KCNQ1: variants seen among roughly 807,000 people sequenced by gnomAD.
KCNQ1 encodes potassium voltage-gated channel subfamily Q member 1, also known as potassium voltage-gated channel subfamily KQT member 1.
KCNQ1 carries 49 observed loss-of-function variants against 72.4 expected under a neutral mutation model. The observed-to-expected ratio is 0.68, with a 90% CI of 0.54 to 0.86. The LOEUF (loss-of-function observed/expected upper bound fraction) is 0.86. KCNQ1 is among the 40% of genes least tolerant of loss of function. The pLI, the probability that KCNQ1 is intolerant of heterozygous loss-of-function variation, is 0.00. For synonymous variants in KCNQ1, 450 were observed against 412.6 expected, an observed-to-expected ratio of 1.09 and a Z score of -1.10; for missense variants, 790 against 945.1, an observed-to-expected ratio of 0.84 and a Z score of 2.15.
chr11:2,843,919 A>C (rs1564914591), intron 15 of KCNQ1, among the ~76,000 whole-genome samples: 1 of 152,162 alleles, frequency 6.6e-6, no homozygotes, highest in Non-Finnish European at 1.5e-5. Flanking sequence ...AATTGCAAAT[A>C]ATGGTGGAGG....
At chr11:2,761,238 C>T (rs754048045) in intron 11 of KCNQ1, among the ~76,000 whole-genome samples, 20 of 151,908 alleles carry the variant, frequency 1.3e-4, no homozygotes, top group Non-Finnish European at 2.5e-4. Context: ...AACCCTTCAT[C>T]GTTCCTCCGG....
At chr11:2,622,194 C>T (rs1378955642) in intron 10 of KCNQ1, 1 of 398,274 alleles carries the variant, frequency 2.5e-6, no homozygotes, top group Admixed American at 4.4e-5. Flanking sequence ...TTTCTCACTC[C>T]AATTCTGTCA....
In KCNQ1 at chr11:2,450,360, G is replaced by A. The variant is rs868440815; in HGVS notation, c.386+4876G>A. Reference sequence around the variant, plus strand: ...TGCTGGGAGAGCATGGTGTCGGCCCGGGGAGATGCCGCAGAGAAGCTTCCA... The same window carrying A: ...TGCTGGGAGAGCATGGTGTCGGCCCAGGGAGATGCCGCAGAGAAGCTTCCA... On this transcript the variant is annotated intron_variant, in intron 1 of 15. Coordinates refer to ENST00000155840, the MANE Select transcript of KCNQ1 (RefSeq NM_000218.3). This position sits in a 1 kb window ranked among gnomAD's most constrained non-coding sequence, Gnocchi z 7.9. 5.3e-5 allele frequency among the ~76,000 whole-genome samples: 8 copies of A among 152,154 alleles called. No homozygotes were observed. Among genetic ancestry groups the A allele is most frequent in the Admixed American group, 2.0e-4 (3 of 15,278 alleles).
intron 10 of KCNQ1, chr11:2,622,986 C>T (rs1416524840): frequency 2.5e-6 from 1 of 398,546 alleles, no homozygotes; most frequent in African/African-American, 2.1e-5. Flanking sequence ...CTCTGTGTTC[C>T]CACCCAAATC....
At chr11:2,792,542 G>T (rs1224484463) in intron 15 of KCNQ1, among the ~76,000 whole-genome samples, 1 of 152,242 alleles carries the variant, frequency 6.6e-6, no homozygotes, top group Non-Finnish European at 1.5e-5. Context: ...GAGGTTGCAG[G>T]GTGTGCGGGC....
intron 1 of KCNQ1, among the ~76,000 whole-genome samples, chr11:2,504,546 A>G (rs1182324590): frequency 2.0e-5 from 3 of 152,208 alleles, no homozygotes; most frequent in Admixed American, 2.0e-4. Flanking sequence ...ACTTAAGGCC[A>G]GGAGTTCGAG....
chr11:2,696,852 A>G (rs1850684837), intron 11 of KCNQ1: 1 of 398,480 alleles, frequency 2.5e-6, no homozygotes, highest in Non-Finnish European at 4.4e-6. Context: ...TTTTTTAGTC[A>G]GTTGCTATTG....
chr11:2,778,049 C>T lies in KCNQ1; in HGVS notation c.1794+12C>T, dbSNP rs727505084. The T allele has an allele frequency of 6.8e-6, 11 of 1,612,850 alleles. No homozygotes were observed. The highest frequency in any genetic ancestry group is 2.2e-5 in the East Asian group (1 of 44,882). On this transcript the variant is annotated intron_variant, in intron 15 of 15. Transcript: ENST00000155840. ...GAGTAGAAGACAAGGTAGGCTCACG[C>T]GCCGGCCTGCGGTGGTTCTGGTTAG...
At position 2,711,750 on chromosome 11, in the gene KCNQ1, A is replaced by T. The variant is rs2133918670; in HGVS notation, c.1514+49669A>T. Among the ~76,000 whole-genome samples, 1 of 152,358 alleles carries T rather than the reference A, an allele frequency of 6.6e-6. No homozygotes were observed. Among genetic ancestry groups the T allele is most frequent in the Non-Finnish European group, 1.5e-5 (1 of 68,038 alleles). ...CAGGGAAATAGAACTTTGGCAGCTT[A>T]CAAAGGAGTTTTATTTTTCAAATTT... On this transcript the variant is annotated intron_variant, in intron 11 of 15. Transcript: ENST00000155840. This position sits in a 1 kb window ranked among gnomAD's most constrained non-coding sequence, Gnocchi z 5.4.
rs1850191355 is a variant in KCNQ1, at chr11:2,671,980, A to G, written c.1514+9899A>G. ...AGAGTGGGCTAAAAAGTCAGCTAGC[A>G]CCCCTGACTTCAAGTCCTCGAGTGT... On this transcript the variant is annotated intron_variant, in intron 11 of 15. Transcript: ENST00000155840. The surrounding 1 kb of genome is among the most constrained non-coding windows in gnomAD (Gnocchi z 4.7). The G allele has an allele frequency of 2.5e-6, 1 of 398,076 alleles. No homozygotes were observed. Among genetic ancestry groups the G allele is most frequent in the South Asian group, 1.3e-4 (1 of 7,832 alleles). The allele number at this position is 398,076 out of a possible 1,614,324, so 24.7% of individuals were successfully genotyped here. A position where few individuals can be genotyped will look rare whatever the true frequency, so the allele number is the denominator to read the frequency against.
In KCNQ1 at chr11:2,688,539, C is replaced by G. The variant is rs561574999; in HGVS notation, c.1514+26458C>G. 10 of 398,734 alleles carry G rather than the reference C, an allele frequency of 2.5e-5. No individual in the cohort carries two copies. In the Admixed American group the frequency reaches 3.1e-4, roughly 12 times the overall value. 24.7% of individuals were successfully genotyped at this position (398,734 alleles called of 1,614,324 possible). On this transcript the variant is annotated intron_variant, in intron 11 of 15. Transcript: ENST00000155840. ...AGGTCACACAGCCAGGCCAGTGGCC[C>G]TAGTGTCAAGGTTCCACACCACAGC...
Position 2,848,038 on chromosome 11 carries a change from G to A in KCNQ1, c.*35G>A, listed in dbSNP as rs780217220. On this transcript the variant is annotated 3_prime_UTR_variant, in exon 16 of 16. Transcript: ENST00000155840. ...GGGGCTGGGGGATGGGCCTGAGTGA[G>A]AGGGGAGGCCAAGAGTGGCCCCACC... is the stretch of plus-strand genomic sequence containing the variant. 3 of 1,513,074 alleles carry A rather than the reference G, an allele frequency of 2.0e-6. No homozygotes were observed. In the East Asian group the frequency reaches 7.3e-5, roughly 37 times the overall value. 93.7% of individuals were successfully genotyped at this position (1,513,074 alleles called of 1,614,324 possible). A position where few individuals can be genotyped will look rare whatever the true frequency, so the allele number is the denominator to read the frequency against.
Position 2,646,695 on chromosome 11 carries a change from T to C in KCNQ1, c.1394-15266T>C. 5.0e-6 allele frequency: 2 copies of C among 398,634 alleles called. 1 individual carries two copies. Among genetic ancestry groups the C allele is most frequent in the Non-Finnish European group, 8.8e-6 (2 of 226,096 alleles). 24.7% of individuals were successfully genotyped at this position (398,634 alleles called of 1,614,324 possible). On this transcript the variant is annotated intron_variant, in intron 10 of 15. Transcript: ENST00000155840. ...GCAGGCCACCACGCCCAGCTCATTTTTGTACTGATGAGGTTTTGCCATGTT... is the reference window on the plus strand; with the variant it reads ...GCAGGCCACCACGCCCAGCTCATTTCTGTACTGATGAGGTTTTGCCATGTT...
In KCNQ1 at chr11:2,725,696, C is replaced by T. The variant is rs1453420463; in HGVS notation, c.1515-43148C>T. On this transcript the variant is annotated intron_variant, in intron 11 of 15. Transcript: ENST00000155840. This position sits in a 1 kb window ranked among gnomAD's most constrained non-coding sequence, Gnocchi z 7.2. ...AGGCCCACAGGCTGTGCACTCCAGCCGAGGGCAGCCTGGGGAAGGTACGAG... is the reference window on the plus strand; with the variant it reads ...AGGCCCACAGGCTGTGCACTCCAGCTGAGGGCAGCCTGGGGAAGGTACGAG... Among the ~76,000 whole-genome samples the T allele has an allele frequency of 2.6e-5, 4 of 152,100 alleles. No homozygotes were observed. Among genetic ancestry groups the T allele is most frequent in the Non-Finnish European group, 5.9e-5 (4 of 68,010 alleles).
chr11:2,666,313 A>G (rs889318377), intron 11 of KCNQ1: 1 of 398,054 alleles, frequency 2.5e-6, no homozygotes, highest in East Asian at 3.6e-5. Context: ...AGCTGCAGAG[A>G]CCCCCACCAG....
Position 2,620,224 on chromosome 11 carries a change from ATTTTT to A in KCNQ1, c.1393+31376_1393+31380del. The A allele has an allele frequency of 1.3e-5, 3 of 225,826 alleles. No homozygotes were observed. The highest frequency in any genetic ancestry group is 6.1e-5 in the Admixed American group (1 of 16,442). 14.0% of individuals were successfully genotyped at this position (225,826 alleles called of 1,614,324 possible). On this transcript the variant is annotated intron_variant, in intron 10 of 15. Transcript: ENST00000155840. This position sits in a 1 kb window ranked among gnomAD's most constrained non-coding sequence, Gnocchi z 4.5. ...GTATATATATATATTTTTTTTTTTT[ATTTTT>A]TTTTTAGACGGAGTTTCGCTCTTGT...
In KCNQ1 at chr11:2,523,215, G is replaced by GA. The variant is rs1564805757; in HGVS notation, c.387-4713_387-4712insA. ...TTAATTTAATTTTTTTTTTTTTGTG[G>GA]TGGAGTCTTGCTCTGTCACCCAGGC... On this transcript the variant is annotated intron_variant, in intron 1 of 15. Transcript: ENST00000155840. Among the ~76,000 whole-genome samples, 575 of 150,288 alleles carry GA rather than the reference G, an allele frequency of 3.8e-3. 5 individuals are homozygous for GA. Among genetic ancestry groups the GA allele is most frequent in the African/African-American group, 0.013 (550 of 40,744 alleles).
rs987445489 is a variant in KCNQ1 at position 2,747,411 on chromosome 11, C to T, written c.1515-21433C>T. Among the ~76,000 whole-genome samples the T allele has an allele frequency of 2.6e-5, 4 of 152,282 alleles. No homozygotes were observed. In the South Asian group the frequency reaches 8.3e-4, roughly 32 times the overall value. On this transcript the variant is annotated intron_variant, in intron 11 of 15. Transcript: ENST00000155840. ...CCTGGGGGTGGCCCCGGGAGGGGCT[C>T]GTCCAGCCTTCTGCTCCTCTGCCCA...
At chr11:2,619,260 T>C (rs1292882210) in intron 10 of KCNQ1, 2 of 398,444 alleles carry the variant, frequency 5.0e-6, no homozygotes, top group East Asian at 3.6e-5. Context: ...TACTGGTTCA[T>C]AGTAGAAGGG....
Sources: allele counts gnomAD v4.1 joint callset (sites outside exome capture counted in the v4.1 genomes callset), GRCh38; gene constraint gnomAD v4.1.1; non-coding constraint Gnocchi (gnomAD v3.1); transcripts MANE v1.5; gene names NCBI Gene and HGNC (gene_info 2026-07-23, HGNC 2026-07-21).